The following LRP1B variants were observed in gnomAD, a reference collection of about 807,000 sequenced individuals.
LRP1B encodes the protein LDL receptor related protein 1B, also known as low-density lipoprotein receptor-related protein 1B.
LRP1B carries 217 observed loss-of-function variants against 556.6 expected under a neutral mutation model. That is an observed-to-expected ratio of 0.39 (90% CI 0.35 to 0.44). The LOEUF is 0.44. Ranked by LOEUF, LRP1B falls within the 20% of genes least tolerant of loss-of-function variation. The pLI is 1.00. For missense variants in LRP1B, 5,053 were observed against 5,620.8 expected (o/e 0.90, Z 3.23); for synonymous variants, 2,047 against 1,865.8 (o/e 1.10, Z -2.50).
At chr2:141,585,903 G>A (rs1317192204) in intron 2 of LRP1B, among the ~76,000 whole-genome samples, 1 of 138,604 alleles carries the variant, frequency 7.2e-6, no homozygotes, top group Non-Finnish European at 1.5e-5. Flanking sequence ...TTTTTTTTAA[G>A]ACGAGGGTCT....
At chr2:141,095,720 G>T (rs1700281035) in intron 7 of LRP1B, among the ~76,000 whole-genome samples, 1 of 152,080 alleles carries the variant, frequency 6.6e-6, no homozygotes, top group Non-Finnish European at 1.5e-5. Flanking sequence ...GGCAACAAGA[G>T]CACCTGTTCT....
At chr2:142,099,541 T>A (rs1706499188) in intron 1 of LRP1B, among the ~76,000 whole-genome samples, 1 of 151,940 alleles carries the variant, frequency 6.6e-6, no homozygotes, top group Non-Finnish European at 1.5e-5. Context: ...TTCAGAAGCT[T>A]ATTTATCCCA....
intron 1 of LRP1B, among the ~76,000 whole-genome samples, chr2:142,037,674 ATT>A (rs1703931002): frequency 6.6e-6 from 1 of 151,644 alleles, no homozygotes; most frequent in African/African-American, 2.4e-5. Context: ...CAGTCGCTGC[ATT>A]GTTTGTGACT....
chr2:140,895,386 T>C (rs1298426885), intron 23 of LRP1B, among the ~76,000 whole-genome samples: 1 of 152,142 alleles, frequency 6.6e-6, no homozygotes, highest in African/African-American at 2.4e-5. Context: ...CCCTGACCCC[T>C]TCACAGGACT....
intron 2 of LRP1B, among the ~76,000 whole-genome samples, chr2:141,593,885 T>C (rs570949708): frequency 1.4e-4 from 22 of 152,272 alleles, no homozygotes; most frequent in African/African-American, 4.3e-4. Context: ...CCAAAGCCTG[T>C]CATCAGCTGT....
intron 32 of LRP1B, among the ~76,000 whole-genome samples, chr2:140,792,372 A>G (rs1010909964): frequency 1.3e-5 from 2 of 152,046 alleles, no homozygotes; most frequent in Non-Finnish European, 1.5e-5. Context: ...GTAATTTCCC[A>G]TCTTAGATTT....
At chr2:141,416,753 C>T (rs62167980) in intron 3 of LRP1B, among the ~76,000 whole-genome samples, 3,193 of 152,170 alleles carry the variant, frequency 0.021, 69 homozygotes, top group East Asian at 0.092. Flanking sequence ...GTTGTGTTTA[C>T]ATCTCCATCA....
At chr2:141,927,919 AAG>A (rs1700379239) in intron 1 of LRP1B, among the ~76,000 whole-genome samples, 2 of 143,650 alleles carry the variant, frequency 1.4e-5, no homozygotes, top group Non-Finnish European at 1.5e-5. Context: ...AAAAAAAAAA[AAG>A]AAAGAAAGAA....
chr2:140,274,454 A>T lies in LRP1B; in HGVS notation c.13112T>A (p.Ile4371Lys), dbSNP rs775253466. ...CVRCHGGHCI[I>K]NKDSEDIFCN... Reference sequence around the variant, plus strand: ...AAATATATCTTCACTGTCTTTATTTATAATGCAGTGCCCCCCATGGCACCT... The same window carrying T: ...AAATATATCTTCACTGTCTTTATTTTTAATGCAGTGCCCCCCATGGCACCT... Residue 4371 changes from isoleucine to lysine, a missense_variant, in exon 85 of 91, where the codon ATA (isoleucine) becomes AAA (lysine). Transcript: ENST00000389484. 8 of 1,612,550 alleles carry T rather than the reference A, an allele frequency of 5.0e-6. No individual in the cohort carries two copies. The Admixed American group carries it at 1.3e-4, about 27-fold the overall frequency.
intron 1 of LRP1B, among the ~76,000 whole-genome samples, chr2:142,116,551 G>GA (rs765830338): frequency 2.0e-5 from 3 of 152,036 alleles, no homozygotes; most frequent in East Asian, 1.9e-4. Context: ...GTCATTAGTG[G>GA]AAAAAACTGG....
At chr2:141,403,593 G>C (rs1246501965) in intron 3 of LRP1B, among the ~76,000 whole-genome samples, 2 of 152,000 alleles carry the variant, frequency 1.3e-5, no homozygotes, top group Admixed American at 1.3e-4. Context: ...TGAAACATGG[G>C]GATAAGCTGA....
At chr2:140,479,633 T>C (rs544371494) in intron 59 of LRP1B, among the ~76,000 whole-genome samples, 1 of 152,264 alleles carries the variant, frequency 6.6e-6, no homozygotes, top group East Asian at 1.9e-4. Context: ...AGTATTAAAT[T>C]TGAAGAAATT....
At chr2:141,071,882 A>G (rs1282030953) in intron 7 of LRP1B, among the ~76,000 whole-genome samples, 3 of 152,202 alleles carry the variant, frequency 2.0e-5, no homozygotes, top group Admixed American at 6.5e-5. Context: ...AGAACATTCC[A>G]TGCTCATGGG....
chr2:141,928,558 G>A (rs552148237), intron 1 of LRP1B, among the ~76,000 whole-genome samples: 16 of 152,186 alleles, frequency 1.1e-4, no homozygotes, highest in Admixed American at 6.6e-4. Flanking sequence ...GCTATCACAT[G>A]TACATCTGAA....
At chr2:140,710,424 A>G (rs1320432888) in intron 37 of LRP1B, among the ~76,000 whole-genome samples, 1 of 152,080 alleles carries the variant, frequency 6.6e-6, no homozygotes, top group Non-Finnish European at 1.5e-5. Context: ...ACATCCAAAT[A>G]AATAACTGTA....
At chr2:140,343,366 TC>T (rs1681491559) in intron 77 of LRP1B, among the ~76,000 whole-genome samples, 1 of 151,600 alleles carries the variant, frequency 6.6e-6, no homozygotes, top group East Asian at 1.9e-4. Context: ...GTGCGAATAC[TC>T]TTTAATCTCG....
intron 35 of LRP1B, among the ~76,000 whole-genome samples, chr2:140,767,201 C>T (rs1479584076): frequency 6.6e-6 from 1 of 151,890 alleles, no homozygotes; most frequent in African/African-American, 2.4e-5. Context: ...TTCTGAGTAA[C>T]AGTAGGGATT....
intron 32 of LRP1B, among the ~76,000 whole-genome samples, chr2:140,787,885 A>G (rs1193927180): frequency 6.6e-6 from 1 of 152,052 alleles, no homozygotes; most frequent in East Asian, 1.9e-4. Context: ...CTAAAACATA[A>G]GATTCTTCAG....
intron 79 of LRP1B, among the ~76,000 whole-genome samples, chr2:140,329,515 G>A (rs941446612): frequency 6.6e-6 from 1 of 151,958 alleles, no homozygotes; most frequent in Admixed American, 6.6e-5. Context: ...CAGCTCAAAA[G>A]CTTCTTAAGT....
Sources: allele counts gnomAD v4.1 joint callset (sites outside exome capture counted in the v4.1 genomes callset), GRCh38; gene constraint gnomAD v4.1.1; transcripts MANE v1.5; gene names NCBI Gene and HGNC (gene_info 2026-07-23, HGNC 2026-07-21).